The following STK40 variants were observed in gnomAD, a reference collection of about 807,000 sequenced individuals.
STK40 encodes serine/threonine-protein kinase 40.
STK40 carries 13 observed loss-of-function variants against 47.9 expected under a neutral mutation model. That is an observed-to-expected ratio of 0.27 (90% confidence interval 0.18 to 0.43). STK40 has a LOEUF of 0.43. Ranked by LOEUF, STK40 falls within the 20% of genes least tolerant of loss-of-function variation. The pLI is 1.00. For synonymous variants in STK40, 225 were observed against 243.2 expected, an observed-to-expected ratio of 0.93 and a Z score of 0.69; for missense variants, 460 against 595.1, an observed-to-expected ratio of 0.77 and a Z score of 2.36.
intron 6 of STK40, among the ~76,000 whole-genome samples, 154 bp downstream of exon 6, chr1:36,354,210 T>C (rs540295075): frequency 1.3e-5 from 2 of 150,704 alleles, no homozygotes; most frequent in East Asian, 3.9e-4. Flanking sequence ...CCAATTCCCA[T>C]GTTCATCCCA....
intron 2 of STK40, among the ~76,000 whole-genome samples, chr1:36,360,742 T>C (rs1646844945): frequency 6.6e-6 from 1 of 152,168 alleles, no homozygotes; most frequent in Admixed American, 6.5e-5. Context: ...CTCACTATGT[T>C]GCCCAAGCTT....
At chr1:36,375,918 A>G (rs1646988468) in intron 1 of STK40, among the ~76,000 whole-genome samples, 1 of 151,874 alleles carries the variant, frequency 6.6e-6, no homozygotes, top group African/African-American at 2.4e-5. Context: ...GTGACTAGGG[A>G]GGCTGAGGCA....
Position 36,355,306 on chromosome 1 carries a change from A to G in STK40, c.470T>C (p.Ile157Thr). The change falls in exon 5 of 11, where the codon ATC becomes ACC. Residue 157 changes from isoleucine to threonine, a missense_variant. Around this residue, in one of 3 missense-constraint regions of STK40, gnomAD observed 277 missense variants for 358.7 expected, o/e 0.77. Transcript: ENST00000373132. ...CTTGATGACGTAGTGCTGCAGGTTG[A>G]TGAGGTCAGCGGTCTTATCGCTGAA... ...HDFSDKTADL[I>T]NLQHYVIKEK... is the part of the protein sequence containing the mutation. 1 of 1,614,100 alleles carries G rather than the reference A, an allele frequency of 6.2e-7. No individual in the cohort carries two copies. Among genetic ancestry groups the G allele is most frequent in the Non-Finnish European group, 8.5e-7 (1 of 1,180,034 alleles).
At chr1:36,384,870 G>C (rs1238518289) in intron 1 of STK40, among the ~76,000 whole-genome samples, 3 of 152,204 alleles carry the variant, frequency 2.0e-5, no homozygotes, top group Non-Finnish European at 1.5e-5. Flanking sequence ...TACTCAAAGA[G>C]GGAAAGGCGC....
chr1:36,364,774 C>T (rs1224436676), intron 1 of STK40, among the ~76,000 whole-genome samples: 1 of 151,800 alleles, frequency 6.6e-6, no homozygotes, highest in Non-Finnish European at 1.5e-5. Flanking sequence ...GCCTGGGCAA[C>T]GTTGCGAGAC....
At chr1:36,350,391 C>T (rs192239518) in intron 6 of STK40, among the ~76,000 whole-genome samples, 17 of 152,302 alleles carry the variant, frequency 1.1e-4, no homozygotes, top group African/African-American at 4.1e-4. Context: ...GCCGCGGAAG[C>T]TGCAAATGCA....
At position 36,341,593 on chromosome 1, in the gene STK40, T is replaced by C; in HGVS notation, c.*162A>G. On this transcript the variant is annotated 3_prime_UTR_variant, in exon 11 of 11. Transcript: ENST00000373132. ...ATCATCCCAAAAGGTAGCTTCGTGG[T>C]ACCTCTGCTGACCCCACGTGTGACC... is the stretch of plus-strand genomic sequence containing the variant. 1 of 751,592 alleles carries C rather than the reference T, an allele frequency of 1.3e-6. No homozygotes were observed. 46.6% of individuals were successfully genotyped at this position (751,592 alleles called of 1,614,324 possible).
intron 1 of STK40, among the ~76,000 whole-genome samples, chr1:36,375,493 C>T (rs567681113): frequency 1.8e-4 from 26 of 148,554 alleles, no homozygotes; most frequent in African/African-American, 6.0e-4. Flanking sequence ...GGTGACAGAG[C>T]GAGACTCTGT....
intron 7 of STK40, among the ~76,000 whole-genome samples, chr1:36,345,028 G>A (rs556885589): frequency 6.6e-6 from 1 of 152,234 alleles, no homozygotes; most frequent in African/African-American, 2.4e-5. Flanking sequence ...TGACTGTCAG[G>A]CTCTGCTGCT....
At position 36,355,401 on chromosome 1, in the gene STK40, T is replaced by C. The variant is rs1646794526; in HGVS notation, c.375A>G (p.Glu125=). ...DRTCEIVEDT[E]SSRMVKKMKK... ...TCATCTTCTTAACCATCCGGCTGGA[T>C]TCTGTGTCCTCAACGATTTCACAGG... The change falls in exon 5 of 11, where the codon GAA becomes GAG. Residue 125 remains glutamate (E), a synonymous_variant. Coordinates refer to ENST00000373132, the MANE Select transcript of STK40 (RefSeq NM_001282547.2). 6.2e-7 allele frequency: 1 copy of C among 1,614,162 alleles called. No individual in the cohort carries two copies. Among genetic ancestry groups the C allele is most frequent in the African/African-American group, 1.3e-5 (1 of 75,058 alleles).
Position 36,339,740 on chromosome 1 carries a change from TTC to T in STK40, c.*2013_*2014del, listed in dbSNP as rs1646628212. On this transcript the variant is annotated 3_prime_UTR_variant, in exon 11 of 11. Coordinates refer to ENST00000373132, the MANE Select transcript of STK40 (RefSeq NM_001282547.2). ...TTTTTCCGTTTCTTTACAATAGGACTTCTCTCAGTGTGTGACACCCAGTGAGG... is the reference window on the plus strand; with the variant it reads ...TTTTTCCGTTTCTTTACAATAGGACTTCTCAGTGTGTGACACCCAGTGAGG... The T allele has an allele frequency of 6.5e-6, 1 of 152,730 alleles. No individual in the cohort carries two copies. Among genetic ancestry groups the T allele is most frequent in the Admixed American group, 6.5e-5 (1 of 15,294 alleles). The allele number at this position is 152,730 out of a possible 1,614,324, so 9.5% of individuals were successfully genotyped here.
chr1:36,351,384 T>C (rs1015556190), intron 6 of STK40, among the ~76,000 whole-genome samples: 2 of 151,570 alleles, frequency 1.3e-5, no homozygotes, highest in Non-Finnish European at 2.9e-5. Context: ...GCATGATGGG[T>C]GGGAAGGGGC....
chr1:36,357,173 T>C lies in STK40; in HGVS notation c.342+1066A>G, dbSNP rs138587808. On this transcript the variant is annotated intron_variant, in intron 4 of 10. Transcript: ENST00000373132. Reference sequence around the variant, plus strand: ...TCATCGTCCCAACCACCAATGGAGGTAGGTACTGTTATCACTATCCCCATT... The same window carrying C: ...TCATCGTCCCAACCACCAATGGAGGCAGGTACTGTTATCACTATCCCCATT... Among the ~76,000 whole-genome samples, 38 of 152,270 alleles carry C rather than the reference T, an allele frequency of 2.5e-4. No individual in the cohort carries two copies. In the East Asian group the frequency reaches 5.4e-3, roughly 22 times the overall value.
intron 2 of STK40, among the ~76,000 whole-genome samples, chr1:36,359,149 G>A (rs1368421838): frequency 6.6e-6 from 1 of 152,228 alleles, no homozygotes; most frequent in Non-Finnish European, 1.5e-5. Context: ...GCTCACACCT[G>A]TAATCCCAAC....
In STK40 at chr1:36,348,695, C is replaced by G; in HGVS notation, c.739+5G>C. 6.3e-7 allele frequency: 1 copy of G among 1,598,676 alleles called. No homozygotes were observed. The highest frequency in any genetic ancestry group is 8.5e-7 in the Non-Finnish European group (1 of 1,172,174). ...AGAGGCCCAATGTCTGGCACACACA[C>G]GTACCGCTGAGCACGTCGGGACTGA... On this transcript the variant is annotated splice_donor_5th_base_variant and intron_variant, in intron 7 of 10. Coordinates refer to ENST00000373132, the MANE Select transcript of STK40 (RefSeq NM_001282547.2).
chr1:36,384,818 C>T (rs1031712981), intron 1 of STK40, among the ~76,000 whole-genome samples: 4 of 152,204 alleles, frequency 2.6e-5, no homozygotes, highest in African/African-American at 9.6e-5. Context: ...TTATTTTGGC[C>T]CTACAATTAC....
chr1:36,357,719 C>T (rs1028858756), intron 4 of STK40, among the ~76,000 whole-genome samples: 3 of 152,196 alleles, frequency 2.0e-5, no homozygotes, highest in Non-Finnish European at 4.4e-5. Flanking sequence ...CGGGCTCAAG[C>T]GATTCTCCTG....
intron 4 of STK40, among the ~76,000 whole-genome samples, chr1:36,357,677 C>T (rs1646816743): frequency 6.6e-6 from 1 of 152,148 alleles, no homozygotes; most frequent in Admixed American, 6.5e-5. Context: ...AGTTCAGTGG[C>T]ACAATCTTGG....
chr1:36,368,578 A>C (rs1229438967), intron 1 of STK40, among the ~76,000 whole-genome samples: 1 of 152,186 alleles, frequency 6.6e-6, no homozygotes, highest in African/African-American at 2.4e-5. Context: ...TTTTCCAAAA[A>C]TGTATAATTT....
Sources: gnomAD v4.1 joint callset for allele counts (sites outside exome capture counted in the v4.1 genomes callset) on GRCh38, gnomAD v4.1.1 for gene constraint, gnomAD v4.1.1 regional missense constraint, MANE v1.5 for transcripts, NCBI Gene and HGNC (gene_info 2026-07-23, HGNC 2026-07-21) for gene names.